The following PCDH7 variants were observed in gnomAD, a reference collection of about 807,000 sequenced individuals.
PCDH7 encodes the protein protocadherin 7.
A neutral mutation model predicts 58.9 loss-of-function variants in PCDH7; 17 were observed. The observed-to-expected ratio is 0.29, with a 90% CI of 0.20 to 0.43. The LOEUF is 0.43. Among genes scored for constraint, PCDH7 ranks in the 20% least tolerant of loss-of-function variants. The pLI, the probability that PCDH7 is intolerant of heterozygous loss-of-function variation, is 1.00. For synonymous variants in PCDH7, 664 were observed against 616.4 expected (o/e 1.08, Z -1.14); for missense variants, 1,274 against 1,441.0 (o/e 0.88, Z 1.88).
At chr4:30,918,846 T>G (rs1404203861) in intron 1 of PCDH7, among the ~76,000 whole-genome samples, 1 of 152,072 alleles carries the variant, frequency 6.6e-6, no homozygotes, top group Non-Finnish European at 1.5e-5. Context: ...AAAGGGTAAT[T>G]TTATGGAAGC....
chr4:31,075,901 G>A (rs763482017), intron 3 of PCDH7, among the ~76,000 whole-genome samples: 3 of 152,042 alleles, frequency 2.0e-5, no homozygotes, highest in Non-Finnish European at 4.4e-5. Flanking sequence ...AAATTCAAAC[G>A]ACTTTAAACC....
chr4:30,731,125 A>G (rs750561114), exon 2 of PCDH7: 3 of 1,033,174 alleles, frequency 2.9e-6, no homozygotes, highest in Non-Finnish European at 3.5e-6. Flanking sequence ...TAAGTTTGAG[A>G]CTTTGTGTGA....
chr4:30,846,030 T>G (rs10033947), intron 1 of PCDH7, among the ~76,000 whole-genome samples: 7,550 of 152,270 alleles, frequency 0.05, 305 homozygotes, highest in East Asian at 0.14. Context: ...GGTAGTCTAA[T>G]GGTAATAATG....
rs79241515 is a variant in PCDH7 at position 30,747,612 on chromosome 4, T to C, written c.70+23016T>C. Among the ~76,000 whole-genome samples, 485 of 152,346 alleles carry C rather than the reference T, an allele frequency of 3.2e-3. 1 individual carries two copies. The highest frequency in any genetic ancestry group is 0.011 in the African/African-American group (444 of 41,574). ...CTATCTCTTCATTCTGACTCTCTTC[T>C]GCCTCTCTCACATTTAAGGACACTG... On this transcript the variant is annotated intron_variant, in intron 1 of 3. Coordinates refer to the PCDH7 transcript ENST00000509759.
chr4:31,138,503 T>C (rs1410026666), intron 3 of PCDH7, among the ~76,000 whole-genome samples: 1 of 152,086 alleles, frequency 6.6e-6, no homozygotes, highest in Non-Finnish European at 1.5e-5. Flanking sequence ...GAAGAAGCAA[T>C]GGGTTGTAGT....
chr4:30,859,519 A>C (rs1200890097), intron 1 of PCDH7, among the ~76,000 whole-genome samples: 1 of 150,922 alleles, frequency 6.6e-6, no homozygotes, highest in Non-Finnish European at 1.5e-5. Context: ...GACTCACTGC[A>C]ACCTCCACCT....
intron 3 of PCDH7, among the ~76,000 whole-genome samples, chr4:31,013,441 A>G (rs1372255662): frequency 6.6e-6 from 1 of 150,570 alleles, no homozygotes; most frequent in African/African-American, 2.4e-5. Context: ...CATATATCAT[A>G]TATCTTCATA....
intron 1 of PCDH7, among the ~76,000 whole-genome samples, chr4:30,914,617 G>A (rs1258941323): frequency 6.6e-6 from 1 of 152,102 alleles, no homozygotes; most frequent in Non-Finnish European, 1.5e-5. Context: ...CTATTTAGAA[G>A]CTTTACTTGG....
intron 1 of PCDH7, among the ~76,000 whole-genome samples, chr4:30,729,866 T>G (rs1400504361): frequency 6.6e-6 from 1 of 152,032 alleles, no homozygotes; most frequent in Non-Finnish European, 1.5e-5. Flanking sequence ...TCAATTGGAT[T>G]GCTTCCTTGT....
intron 1 of PCDH7, among the ~76,000 whole-genome samples, chr4:30,751,473 A>G (rs933300347): frequency 1.1e-4 from 16 of 152,198 alleles, no homozygotes; most frequent in African/African-American, 3.1e-4. Flanking sequence ...ACATTGGAAA[A>G]TATTTCTTAT....
At chr4:31,037,645 T>A (rs147504093) in intron 3 of PCDH7, among the ~76,000 whole-genome samples, 1 of 152,206 alleles carries the variant, frequency 6.6e-6, no homozygotes, top group Non-Finnish European at 1.5e-5. Flanking sequence ...TGATAGTAGT[T>A]GGGAATATTT....
intron 3 of PCDH7, among the ~76,000 whole-genome samples, chr4:31,094,050 C>G (rs1713621910): frequency 6.6e-6 from 1 of 152,088 alleles, no homozygotes; most frequent in Non-Finnish European, 1.5e-5. Context: ...TAACTTCCAT[C>G]TGTACAATTT....
chr4:31,042,149 TTGAA>T (rs1255152960), intron 3 of PCDH7, among the ~76,000 whole-genome samples: 1 of 152,130 alleles, frequency 6.6e-6, no homozygotes, highest in South Asian at 2.1e-4. Context: ...TTCATATCAT[TTGAA>T]TGAGCATGTT....
chr4:30,810,324 T>C (rs1726807991), intron 1 of PCDH7, among the ~76,000 whole-genome samples: 1 of 152,198 alleles, frequency 6.6e-6, no homozygotes, highest in African/African-American at 2.4e-5. Flanking sequence ...GATGGGCGAA[T>C]ATGTTACATC....
intron 1 of PCDH7, among the ~76,000 whole-genome samples, chr4:30,752,948 C>A (rs1335582850): frequency 6.6e-6 from 1 of 151,910 alleles, no homozygotes; most frequent in Non-Finnish European, 1.5e-5. Flanking sequence ...TTACTGTAAC[C>A]CAGTTAAAAA....
chr4:31,038,345 A>G (rs1755580614), intron 3 of PCDH7, among the ~76,000 whole-genome samples: 1 of 152,178 alleles, frequency 6.6e-6, no homozygotes, highest in Non-Finnish European at 1.5e-5. Context: ...TATTTACATT[A>G]CCCATGATAA....
chr4:31,045,416 C>T (rs554236466), intron 3 of PCDH7, among the ~76,000 whole-genome samples: 1 of 152,104 alleles, frequency 6.6e-6, no homozygotes, highest in African/African-American at 2.4e-5. Flanking sequence ...AGCCAGAGAG[C>T]CATTTCCGTA....
At chr4:30,781,986 T>C (rs1722865200) in intron 1 of PCDH7, among the ~76,000 whole-genome samples, 1 of 152,220 alleles carries the variant, frequency 6.6e-6, no homozygotes, top group Non-Finnish European at 1.5e-5. Flanking sequence ...TTTCTTTGAT[T>C]GGATAGAATG....
chr4:30,968,001 A>T (rs1749146169), intron 3 of PCDH7, among the ~76,000 whole-genome samples: 1 of 152,090 alleles, frequency 6.6e-6, no homozygotes, highest in Non-Finnish European at 1.5e-5. Context: ...TTCCCAACTC[A>T]GTGTCATCTA....
Sources: allele counts gnomAD v4.1 joint callset (sites outside exome capture counted in the v4.1 genomes callset), GRCh38; gene constraint gnomAD v4.1.1; transcripts MANE v1.5; gene names NCBI Gene and HGNC (gene_info 2026-07-23, HGNC 2026-07-21).